The following PCP4L1 variants were observed in gnomAD, a reference collection of about 807,000 sequenced individuals.
The protein encoded by PCP4L1 is Purkinje cell protein 4 like 1, also known as Purkinje cell protein 4-like protein 1.
PCP4L1 carries 9 observed loss-of-function variants against 9.6 expected under a neutral mutation model. That is an observed-to-expected ratio of 0.94 (90% CI 0.57 to 1.64). The LOEUF (loss-of-function observed/expected upper bound fraction) is 1.64, where lower values mean the gene tolerates loss of function less well. Ranked by LOEUF, PCP4L1 falls within the 40% of genes most tolerant of loss-of-function variation. The pLI, the probability that PCP4L1 is intolerant of heterozygous loss-of-function variation, is 0.00. For missense variants in PCP4L1, 81 were observed against 80.8 expected, an observed-to-expected ratio of 1.00 and a Z score of -0.01; for synonymous variants, 31 against 28.2, an observed-to-expected ratio of 1.10 and a Z score of -0.31.
intron 1 of PCP4L1, among the ~76,000 whole-genome samples, chr1:161,270,744 A>T (rs934105608): frequency 6.6e-6 from 1 of 151,850 alleles, no homozygotes; most frequent in African/African-American, 2.4e-5. Context: ...GCATGGTGGC[A>T]TGTGCTTGTA....
At chr1:161,264,039 A>G (rs902879668) in intron 1 of PCP4L1, among the ~76,000 whole-genome samples, 11 of 148,604 alleles carry the variant, frequency 7.4e-5, no homozygotes, top group African/African-American at 2.5e-4. Context: ...CCTCCCAAGT[A>G]GCTGAGATTA....
In PCP4L1 at chr1:161,264,800, G is replaced by T. The variant is rs186384101; in HGVS notation, c.9+5817G>T. On this transcript the variant is annotated intron_variant, in intron 1 of 2. Transcript: ENST00000504449. ...GCCGTGATGGCACCACTACACTCCA[G>T]CCTGGGCGATAGAGTGAGACCCTGT... Among the ~76,000 whole-genome samples the T allele has an allele frequency of 8.5e-5, 13 of 152,324 alleles. No individual in the cohort carries two copies. The East Asian group carries it at 2.5e-3, about 29-fold the overall frequency.
intron 1 of PCP4L1, among the ~76,000 whole-genome samples, chr1:161,259,508 G>T (rs1669383248): frequency 6.6e-6 from 1 of 152,120 alleles, no homozygotes; most frequent in Non-Finnish European, 1.5e-5. Context: ...GACGTGTTCC[G>T]GTATTTAGAA....
At chr1:161,282,342 G>A (rs1447343311) in intron 1 of PCP4L1, among the ~76,000 whole-genome samples, 2 of 150,210 alleles carry the variant, frequency 1.3e-5, no homozygotes, top group Non-Finnish European at 3.0e-5. Flanking sequence ...CAGCAGTACA[G>A]TCCAGCTTCA....
At chr1:161,281,554 G>A (rs1354995920) in intron 1 of PCP4L1, among the ~76,000 whole-genome samples, 1 of 151,044 alleles carries the variant, frequency 6.6e-6, no homozygotes, top group Non-Finnish European at 1.5e-5. Flanking sequence ...AGCTGGCCGG[G>A]CGGGGGCTGA....
chr1:161,270,399 G>A (rs901257052), intron 1 of PCP4L1, among the ~76,000 whole-genome samples: 1 of 152,104 alleles, frequency 6.6e-6, no homozygotes, highest in Admixed American at 6.5e-5. Context: ...AGCCAACTGT[G>A]TTAGGGTGTG....
intron 1 of PCP4L1, among the ~76,000 whole-genome samples, chr1:161,262,433 C>CAAAAAAAAAA (rs539872397): frequency 1.6e-5 from 1 of 63,142 alleles, no homozygotes; most frequent in Non-Finnish European, 3.1e-5. Context: ...GACTCCATCT[C>CAAAAAAAAAA]AAAAAAAAAA....
intron 1 of PCP4L1, among the ~76,000 whole-genome samples, chr1:161,264,509 T>C (rs1463958677): frequency 1.3e-5 from 2 of 149,912 alleles, no homozygotes; most frequent in African/African-American, 4.9e-5. Flanking sequence ...AGTAAGACTC[T>C]GTCTAAGAAA....
Position 161,283,709 on chromosome 1 carries a change from C to T in PCP4L1, c.51C>T (p.Gly17=), listed in dbSNP as rs758529583. 6.2e-7 allele frequency: 1 copy of T among 1,606,170 alleles called. No homozygotes were observed. The highest frequency in any genetic ancestry group is 2.2e-5 in the East Asian group (1 of 44,718). ...KTSPATNQAA[G]QEEKGKAGNV... The stretch of plus-strand genomic sequence containing the variant: ...CCCCAGCAACCAACCAGGCAGCTGG[C>T]CAAGAGGAAAAAGGTGAGTGGGGTT... The change falls in exon 2 of 3, where the codon GGC becomes GGT. Residue 17 remains glycine (G), a synonymous_variant. Coordinates refer to ENST00000504449, the MANE Select transcript of PCP4L1 (RefSeq NM_001102566.2).
rs75220443 is a variant in PCP4L1 at position 161,284,983 on chromosome 1, T to C, written c.*502T>C. 1.7e-4 allele frequency: 28 copies of C among 160,470 alleles called. No homozygotes were observed. In the East Asian group the frequency reaches 3.3e-3, roughly 19 times the overall value. The allele number at this position is 160,470 out of a possible 1,614,324, so 9.9% of individuals were successfully genotyped here. A position where few individuals can be genotyped will look rare whatever the true frequency, so the allele number is the denominator to read the frequency against. ...CACAGTGGGGACTGGAGCCTCGTTT[T>C]CCCCCTAGGCAGACCTAAATCAAGC... On this transcript the variant is annotated 3_prime_UTR_variant, in exon 3 of 3. Transcript: ENST00000504449.
intron 1 of PCP4L1, among the ~76,000 whole-genome samples, chr1:161,270,414 GGT>G (rs1370937902): frequency 2.0e-5 from 3 of 152,024 alleles, no homozygotes; most frequent in Non-Finnish European, 4.4e-5. Flanking sequence ...GGTGTGCAAT[GGT>G]CTGAATGTTT....
chr1:161,267,539 C>T (rs1669550494), intron 1 of PCP4L1, among the ~76,000 whole-genome samples: 1 of 152,062 alleles, frequency 6.6e-6, no homozygotes, highest in Non-Finnish European at 1.5e-5. Context: ...TGTGGCAACG[C>T]TATTAAAGAT....
At chr1:161,269,282 C>A (rs1050630721) in intron 1 of PCP4L1, among the ~76,000 whole-genome samples, 1 of 152,052 alleles carries the variant, frequency 6.6e-6, no homozygotes, top group African/African-American at 2.4e-5. Context: ...ATTACCTGTA[C>A]CTGTAGTACA....
At chr1:161,270,377 T>TGC (rs1490303784) in intron 1 of PCP4L1, among the ~76,000 whole-genome samples, 1 of 152,126 alleles carries the variant, frequency 6.6e-6, no homozygotes, top group Non-Finnish European at 1.5e-5. Context: ...TTGTTACAAT[T>TGC]GCTCATGTCA....
rs10530356 is a variant in PCP4L1 at position 161,270,569 on chromosome 1, C to CAAAAAAAA, written c.9+11590_9+11597dup. Among the ~76,000 whole-genome samples the CAAAAAAAA allele has an allele frequency of 5.6e-3, 648 of 116,564 alleles. 31 individuals are homozygous for CAAAAAAAA. Among genetic ancestry groups the CAAAAAAAA allele is most frequent in the East Asian group, 0.048 (184 of 3,810 alleles). 76.5% of individuals were successfully genotyped at this position (116,564 alleles called of 152,430 possible). ...ACCCTTATAAAAGAGACCCCAGGCTCAAAAAAAAAAAGAGAGACCCCAGGC... is the reference window on the plus strand; with the variant it reads ...ACCCTTATAAAAGAGACCCCAGGCTCAAAAAAAAAAAAAAAAAAAGAGAGACCCCAGGC... On this transcript the variant is annotated intron_variant, in intron 1 of 2. Coordinates refer to ENST00000504449, the MANE Select transcript of PCP4L1 (RefSeq NM_001102566.2).
chr1:161,260,162 G>C (rs1437528706), intron 1 of PCP4L1, among the ~76,000 whole-genome samples: 1 of 151,728 alleles, frequency 6.6e-6, no homozygotes, highest in Non-Finnish European at 1.5e-5. Context: ...CTGGAGCCTG[G>C]GTTCCAGTTT....
At chr1:161,268,937 A>T (rs866929286) in intron 1 of PCP4L1, among the ~76,000 whole-genome samples, 12 of 152,344 alleles carry the variant, frequency 7.9e-5, no homozygotes, top group Middle Eastern at 3.4e-3. Context: ...AATGTCACAC[A>T]GCTAGGAATG....
chr1:161,265,807 C>T (rs75213764), intron 1 of PCP4L1, among the ~76,000 whole-genome samples: 18,872 of 139,318 alleles, frequency 0.14, 1,272 homozygotes, highest in East Asian at 0.23. Flanking sequence ...GGCATGATCT[C>T]GTCTCACTGC....
intron 1 of PCP4L1, among the ~76,000 whole-genome samples, chr1:161,279,847 T>TTAAAGA (rs1669764278): frequency 6.6e-6 from 1 of 152,190 alleles, no homozygotes; most frequent in African/African-American, 2.4e-5. Context: ...CTATTTTTTT[T>TTAAAGA]TAAAGAGCTA....
Sources: gnomAD v4.1 joint callset for allele counts (sites outside exome capture counted in the v4.1 genomes callset) on GRCh38, gnomAD v4.1.1 for gene constraint, MANE v1.5 for transcripts, NCBI Gene and HGNC (gene_info 2026-07-23, HGNC 2026-07-21) for gene names.